Variants in CYP4A22 observed in about 807,000 individuals in gnomAD.
The protein encoded by CYP4A22 is cytochrome P450 family 4 subfamily A member 22, also known as cytochrome P450 4A22.
In CYP4A22, 46 loss-of-function variants were observed where a neutral mutation model predicts 56.2. That is an observed-to-expected ratio of 0.82 (90% CI 0.65 to 1.05). The LOEUF is 1.05. Ranked by LOEUF, CYP4A22 falls within the 50% of genes least tolerant of loss-of-function variation. The pLI is 0.00. For synonymous variants in CYP4A22, 193 were observed against 251.1 expected, an observed-to-expected ratio of 0.77 and a Z score of 2.19; for missense variants, 541 against 645.9, an observed-to-expected ratio of 0.84 and a Z score of 1.76.
chr1:47,145,493 T>C (rs143907404), intron 9 of CYP4A22, among the ~76,000 whole-genome samples: 4 of 152,356 alleles, frequency 2.6e-5, no homozygotes, highest in Non-Finnish European at 5.9e-5. Flanking sequence ...GATACTCAGG[T>C]ATCTCCCCTG....
chr1:47,147,158 T>G, intron 11 of CYP4A22: 2 of 985,354 alleles, frequency 2.0e-6, no homozygotes, highest in Non-Finnish European at 2.4e-6. Context: ...AAATGGTGAG[T>G]CCACTTACAT....
intron 5 of CYP4A22, 84 bp from the exon 6 acceptor site, chr1:47,143,678 G>C (rs954517401): frequency 1.3e-5 from 20 of 1,505,922 alleles, no homozygotes; most frequent in African/African-American, 2.8e-5. Context: ...CCCATTATCC[G>C]AGGCTGCCTC....
At chr1:47,145,958 G>A (rs2405600) in intron 10 of CYP4A22, 28 bp downstream of exon 10, 2 of 1,614,094 alleles carry the variant, frequency 1.2e-6, no homozygotes, top group Non-Finnish European at 8.5e-7. Context: ...GGAGGAAATG[G>A]GGTGATCTCT....
chr1:47,142,381 T>C (rs1477773321), intron 4 of CYP4A22, 146 bp downstream of exon 4: 31 of 1,287,484 alleles, frequency 2.4e-5, no homozygotes, highest in Middle Eastern at 2.9e-4. Flanking sequence ...GAGTAGAGGG[T>C]TCCCCAGAGT....
intron 1 of CYP4A22, among the ~76,000 whole-genome samples, chr1:47,139,535 C>T (rs983684613): frequency 5.3e-5 from 8 of 152,170 alleles, no homozygotes; most frequent in Non-Finnish European, 1.0e-4. Context: ...ATCTTCCTTA[C>T]CCCCCAACTA....
intron 4 of CYP4A22, 102 bp downstream of exon 4, chr1:47,142,337 C>T: frequency 1.4e-6 from 2 of 1,479,836 alleles, no homozygotes; most frequent in South Asian, 2.9e-5. Context: ...TAGACATAGA[C>T]ACATGGAACA....
At chr1:47,143,678 G>A (rs954517401) in intron 5 of CYP4A22, 84 bp from the exon 6 acceptor site, 53 of 1,506,040 alleles carry the variant, frequency 3.5e-5, no homozygotes, top group Non-Finnish European at 4.4e-5. Context: ...CCCATTATCC[G>A]AGGCTGCCTC....
intron 11 of CYP4A22, chr1:47,146,820 C>A (rs1280200760): frequency 2.0e-6 from 2 of 986,652 alleles, no homozygotes; most frequent in African/African-American, 3.5e-5. Flanking sequence ...TTGGCAAATT[C>A]TGTACATGCC....
Position 47,143,806 on chromosome 1 carries a change from T to C in CYP4A22, c.680T>C (p.Leu227Pro), listed in dbSNP as rs763383232. ...CAGGCCATTAGTGACCTGAACAGCC[T>C]GGTTTTTTGCTGTATGAGGAATGCC... ...YIQAISDLNS[L>P]VFCCMRNAFH... The change falls in exon 6 of 12, where the codon CTG becomes CCG. Residue 227 changes from leucine (L) to proline (P), a missense_variant. Coordinates refer to ENST00000371891, the MANE Select transcript of CYP4A22 (RefSeq NM_001010969.4). 1 of 1,614,112 alleles carries C rather than the reference T, an allele frequency of 6.2e-7. No individual in the cohort carries two copies. The highest frequency in any genetic ancestry group is 8.5e-7 in the Non-Finnish European group (1 of 1,179,972).
chr1:47,144,214 G>A (rs1263262335), intron 6 of CYP4A22, 143 bp from the exon 7 acceptor site: 26 of 1,177,578 alleles, frequency 2.2e-5, no homozygotes, highest in Non-Finnish European at 3.1e-5. Context: ...CACAGTACTA[G>A]AGCTTCCACC....
rs146477822 is a variant in CYP4A22 at position 47,143,795 on chromosome 1, C to G, written c.669C>G (p.Asp223Glu). Residue 223 changes from aspartate to glutamate, a missense_variant, in exon 6 of 12, where the codon GAC (aspartate) becomes GAG (glutamate). By Grantham distance (45) the Asp-to-Glu change is conservative. Around this residue, in one of 3 missense-constraint regions of CYP4A22, gnomAD observed 335 missense variants for 361.2 expected, o/e 0.93. Transcript: ENST00000371891. ...AGTCCTACATCCAGGCCATTAGTGA[C>G]CTGAACAGCCTGGTTTTTTGCTGTA... ...NSQSYIQAIS[D>E]LNSLVFCCMR... is the part of the protein sequence containing the mutation. The G allele has an allele frequency of 4.3e-6, 7 of 1,613,626 alleles. No homozygotes were observed. The highest frequency in any genetic ancestry group is 5.9e-6 in the Non-Finnish European group (7 of 1,179,754).
chr1:47,144,456 T>C lies in CYP4A22; in HGVS notation c.890T>C (p.Leu297Ser). Residue 297 changes from leucine (L) to serine (S), a missense_variant, in exon 7 of 12, where the codon TTG becomes TCG. Leu to Ser is a moderately radical substitution (Grantham distance 145). Transcript: ENST00000371891. ...RHLDFLDILL[L>S]AKMENGSILS... ...TTGGATTTTCTGGACATCCTCCTCT[T>C]GGCCAAAGTGAGTATGTGTAGGAGA... 1 of 1,614,008 alleles carries C rather than the reference T, an allele frequency of 6.2e-7. No individual in the cohort carries two copies.
rs1645000280 is a variant in CYP4A22 at position 47,140,854 on chromosome 1, A to G, written c.270A>G (p.Ile90Met). Residue 90 changes from isoleucine (I) to methionine (M), a missense_variant, in exon 2 of 12, where the codon ATA becomes ATG. Coordinates refer to ENST00000371891, the MANE Select transcript of CYP4A22 (RefSeq NM_001010969.4). ...TCCCAAGTGCCTGTCCTTATTGGAT[A>G]TGGGGAGGCAAAGTTCGTGTCCAGC... ...KTFPSACPYW[I>M]WGGKVRVQLY... 6 of 1,614,038 alleles carry G rather than the reference A, an allele frequency of 3.7e-6. 1 individual carries two copies. The South Asian group carries it at 5.5e-5, about 15-fold the overall frequency.
At chr1:47,146,550 C>T in intron 11 of CYP4A22, 1 of 1,097,080 alleles carries the variant, frequency 9.1e-7, no homozygotes, top group East Asian at 6.6e-5. Flanking sequence ...TCTCTCCCCA[C>T]ACATCCTCAA....
intron 9 of CYP4A22, 136 bp from the exon 10 acceptor site, chr1:47,145,730 G>A: frequency 1.6e-6 from 2 of 1,281,718 alleles, no homozygotes; most frequent in African/African-American, 1.5e-5. Flanking sequence ...CCTGCATAAT[G>A]GCAGAATCAT....
At chr1:47,145,821 C>T (rs1384765318) in intron 9 of CYP4A22, 45 bp from the exon 10 acceptor site, 1 of 1,612,540 alleles carries the variant, frequency 6.2e-7, no homozygotes, top group African/African-American at 1.3e-5. Flanking sequence ...CAGGCCACCC[C>T]ATGCAAATGA....
chr1:47,144,786 G>T (rs748294182), intron 8 of CYP4A22, 46 bp downstream of exon 8: 1 of 1,611,436 alleles, frequency 6.2e-7, no homozygotes, highest in Non-Finnish European at 8.5e-7. Context: ...TCTCCACAGG[G>T]GCCCCTGGTC....
chr1:47,143,647 A>G, intron 5 of CYP4A22, 115 bp from the exon 6 acceptor site: 2 of 1,424,618 alleles, frequency 1.4e-6, no homozygotes, highest in South Asian at 2.9e-5. Context: ...TAGAAGAAAC[A>G]TTGCCTCAAG....
intron 6 of CYP4A22, among the ~76,000 whole-genome samples, 157 bp from the exon 7 acceptor site, chr1:47,144,200 C>T (rs1198259391): frequency 2.0e-5 from 3 of 152,202 alleles, no homozygotes; most frequent in African/African-American, 2.4e-5. Context: ...GGTGCCCTGC[C>T]TCACACAGTA....
Sources: allele counts gnomAD v4.1 joint callset (sites outside exome capture counted in the v4.1 genomes callset), GRCh38; gene constraint gnomAD v4.1.1; regional missense constraint gnomAD v4.1.1; transcripts MANE v1.5; gene names NCBI Gene and HGNC (gene_info 2026-07-23, HGNC 2026-07-21).